The following INO80D variants were observed in gnomAD, a reference collection of about 807,000 sequenced individuals.
The protein encoded by INO80D is INO80 complex subunit D.
Under a neutral mutation model 87.6 loss-of-function variants are expected in INO80D, and 21 were observed. That is an observed-to-expected ratio of 0.24 (90% CI 0.17 to 0.35). The LOEUF (loss-of-function observed/expected upper bound fraction) is 0.35, where lower values mean the gene tolerates loss of function less well. Ranked by LOEUF, INO80D falls within the 10% of genes least tolerant of loss-of-function variation. INO80D has a pLI of 1.00. For missense variants in INO80D, 982 were observed against 1,280.7 expected, an observed-to-expected ratio of 0.77 and a Z score of 3.56; for synonymous variants, 440 against 491.0, an observed-to-expected ratio of 0.90 and a Z score of 1.37.
chr2:206,021,418 A>G (rs1418906595), intron 6 of INO80D, among the ~76,000 whole-genome samples: 1 of 152,236 alleles, frequency 6.6e-6, no homozygotes, highest in Admixed American at 6.5e-5. Flanking sequence ...AAGAATAGGG[A>G]AGTGGATCAT....
chr2:206,062,619 C>T lies in INO80D; in HGVS notation c.218+180G>A, dbSNP rs754583788. On this transcript the variant is annotated intron_variant, in intron 3 of 10. Transcript: ENST00000403263. The surrounding 1 kb of genome is among the most constrained non-coding windows in gnomAD (Gnocchi z 4.6). ...TCTATTTTAAAAAATTGCCATATTTCATCTTTAAAAGTATTCCATAGATTA... is the reference window on the plus strand; with the variant it reads ...TCTATTTTAAAAAATTGCCATATTTTATCTTTAAAAGTATTCCATAGATTA... 1.3e-5 allele frequency among the ~76,000 whole-genome samples: 2 copies of T among 152,064 alleles called. No homozygotes were observed. Among genetic ancestry groups the T allele is most frequent in the Non-Finnish European group, 2.9e-5 (2 of 68,026 alleles).
At chr2:206,076,111 G>A (rs553734028) in intron 1 of INO80D, among the ~76,000 whole-genome samples, 1 of 147,554 alleles carries the variant, frequency 6.8e-6, no homozygotes, top group Non-Finnish European at 1.5e-5. Flanking sequence ...CGTAATACCA[G>A]AAGGTTGGGA....
At chr2:206,084,969 G>C (rs1053533299) in intron 1 of INO80D, among the ~76,000 whole-genome samples, 3 of 152,210 alleles carry the variant, frequency 2.0e-5, no homozygotes, top group Admixed American at 2.0e-4. Flanking sequence ...CTAGGGGGAA[G>C]GGGCTGGAGT....
rs377530883 is a variant in INO80D, at chr2:206,005,120, T to G, written c.2332A>C (p.Arg778=). The G allele has an allele frequency of 6.2e-7, 1 of 1,613,780 alleles. No individual in the cohort carries two copies. Among genetic ancestry groups the G allele is most frequent in the African/African-American group, 1.3e-5 (1 of 74,896 alleles). The change falls in exon 11 of 11, where the codon AGA becomes CGA. Residue 778 remains arginine (R), a synonymous_variant. Transcript: ENST00000403263. ...CCATGAAACTGTCCTGGGAAGGCTC[T>G]CTCCCCAAGTGCACTCTGGCTGATC... is the stretch of plus-strand genomic sequence containing the variant. ...TLISQSALGE[R]AFPGQFHGLH... is the part of the protein sequence containing the mutation.
At chr2:206,060,192 G>A (rs1322190805) in intron 3 of INO80D, among the ~76,000 whole-genome samples, 1 of 151,640 alleles carries the variant, frequency 6.6e-6, no homozygotes, top group Non-Finnish European at 1.5e-5. Context: ...GCAGCAGAAT[G>A]AGACCCCATC....
chr2:206,075,852 G>A (rs1323727967), intron 1 of INO80D, among the ~76,000 whole-genome samples: 6 of 150,986 alleles, frequency 4.0e-5, no homozygotes, highest in South Asian at 2.1e-4. Flanking sequence ...TCAGGAGTTC[G>A]AGACCAGCCC....
chr2:206,006,867 C>T (rs818021), intron 10 of INO80D, among the ~76,000 whole-genome samples: 19,852 of 151,344 alleles, frequency 0.13, 1,629 homozygotes, highest in South Asian at 0.2. Flanking sequence ...GCCCACACTG[C>T]GAAACCCCAC....
chr2:206,062,872 T>C lies in INO80D; in HGVS notation c.145A>G (p.Lys49Glu), dbSNP rs1689722743. Residue 49 changes from lysine (K) to glutamate (E), a missense_variant, in exon 3 of 11, where the codon AAG becomes GAG. Coordinates refer to ENST00000403263, the MANE Select transcript of INO80D (RefSeq NM_017759.5). The surrounding 1 kb of genome is among the most constrained non-coding windows in gnomAD (Gnocchi z 4.6). ...TACTTGGCCACATATTCACATTGCT[T>C]GAAGGGGGCAGTCTTGTCCTCCAGA... is the stretch of plus-strand genomic sequence containing the variant. ...HVLEDKTAPF[K>E]QCEYVAKYNS... 1 of 1,613,072 alleles carries C rather than the reference T, an allele frequency of 6.2e-7. No individual in the cohort carries two copies.
chr2:206,063,682 G>C (rs1689744255), intron 1 of INO80D: 1 of 152,162 alleles, frequency 6.6e-6, no homozygotes, highest in African/African-American at 2.4e-5. Flanking sequence ...TGAGAGTGAA[G>C]ATCTGTCTCA....
At chr2:206,031,511 C>T (rs1295236937) in intron 5 of INO80D, among the ~76,000 whole-genome samples, 5 of 152,178 alleles carry the variant, frequency 3.3e-5, no homozygotes, top group African/African-American at 7.2e-5. Flanking sequence ...CCCCTGCCAC[C>T]GCTATCACCA....
chr2:206,084,976 G>A (rs943592812), intron 1 of INO80D, among the ~76,000 whole-genome samples: 2 of 152,144 alleles, frequency 1.3e-5, no homozygotes, highest in Non-Finnish European at 2.9e-5. Context: ...GAAGGGGCTG[G>A]AGTTAGCAGC....
chr2:206,006,150 C>T (rs191152052), intron 10 of INO80D, among the ~76,000 whole-genome samples: 111 of 152,276 alleles, frequency 7.3e-4, no homozygotes, highest in Non-Finnish European at 1.2e-3. Flanking sequence ...AAAATGGAAG[C>T]CCATGGACCT....
chr2:206,064,613 C>G (rs1181339238), intron 1 of INO80D, among the ~76,000 whole-genome samples: 1 of 152,120 alleles, frequency 6.6e-6, no homozygotes, highest in Admixed American at 6.6e-5. Flanking sequence ...ATAATAGTAG[C>G]TATGTTATCA....
At chr2:206,050,231 G>A (rs1187728286) in intron 4 of INO80D, among the ~76,000 whole-genome samples, 1 of 151,928 alleles carries the variant, frequency 6.6e-6, no homozygotes, top group Non-Finnish European at 1.5e-5. Flanking sequence ...AGTGGCTCAT[G>A]CCTGTAATCC....
intron 1 of INO80D, among the ~76,000 whole-genome samples, chr2:206,075,157 G>A (rs1035359473): frequency 2.6e-5 from 4 of 152,040 alleles, no homozygotes; most frequent in Admixed American, 1.3e-4. Context: ...ACATTAGCAA[G>A]GAGAAAAGTA....
At chr2:206,035,032 C>T (rs1303343322) in intron 5 of INO80D, among the ~76,000 whole-genome samples, 1 of 152,014 alleles carries the variant, frequency 6.6e-6, no homozygotes. Flanking sequence ...ATATACCTAA[C>T]AAAGGAGGCG....
chr2:206,019,706 A>G (rs1688408478), intron 7 of INO80D, 30 bp downstream of exon 7: 2 of 1,553,762 alleles, frequency 1.3e-6, no homozygotes, highest in Non-Finnish European at 1.8e-6. Context: ...GTACTTTTTC[A>G]ATGCACATTC....
chr2:206,084,966 G>T (rs1285364500), intron 1 of INO80D, among the ~76,000 whole-genome samples: 1 of 152,176 alleles, frequency 6.6e-6, no homozygotes, highest in Non-Finnish European at 1.5e-5. Flanking sequence ...GCTCTAGGGG[G>T]AAGGGGCTGG....
rs1313015691 is a variant in INO80D, at chr2:206,004,551, A to C, written c.2901T>G (p.Ser967=). Residue 967 remains serine, a synonymous_variant, in exon 11 of 11, where the codon TCT becomes TCG. Transcript: ENST00000403263. This position sits in a 1 kb window ranked among gnomAD's most constrained non-coding sequence, Gnocchi z 4.9. ...GPSAELMAST[S]PKQQLPQFSA... is the part of the protein sequence containing the mutation. ...TGAACTGAGGGAGTTGCTGCTTGGG[A>C]GAGGTGGAGGCCATTAGTTCAGCAG... 1 of 1,610,816 alleles carries C rather than the reference A, an allele frequency of 6.2e-7. No homozygotes were observed. Among genetic ancestry groups the C allele is most frequent in the East Asian group, 2.2e-5 (1 of 44,716 alleles).
Sources: gnomAD v4.1 joint callset for allele counts (sites outside exome capture counted in the v4.1 genomes callset) on GRCh38, gnomAD v4.1.1 for gene constraint, Gnocchi (gnomAD v3.1) non-coding constraint, MANE v1.5 for transcripts, NCBI Gene and HGNC (gene_info 2026-07-23, HGNC 2026-07-21) for gene names.